Variants in TNFRSF10D observed in about 807,000 individuals in gnomAD.
TNFRSF10D encodes TNF receptor superfamily member 10d.
Under a neutral mutation model 42.1 loss-of-function variants are expected in TNFRSF10D, and 28 were observed. That is an observed-to-expected ratio of 0.66 (90% CI 0.49 to 0.91). The LOEUF is 0.91. Among genes scored for constraint, TNFRSF10D ranks in the 40% least tolerant of loss-of-function variants. TNFRSF10D has a pLI of 0.00. For synonymous variants in TNFRSF10D, 186 were observed against 189.4 expected (o/e 0.98, Z 0.15); for missense variants, 503 against 486.1 (o/e 1.03, Z -0.33).
intron 6 of TNFRSF10D, 136 bp from the exon 7 acceptor site, chr8:23,144,771 AC>A: frequency 8.9e-7 from 1 of 1,129,438 alleles, no homozygotes; most frequent in Middle Eastern, 2.6e-4. Context: ...CACATCCAGG[AC>A]CCCATGCTGA....
intron 2 of TNFRSF10D, among the ~76,000 whole-genome samples, chr8:23,152,790 G>T (rs1257861551): frequency 6.1e-3 from 923 of 152,228 alleles, no homozygotes; most frequent in African/African-American, 0.019. Context: ...TTGTTCATAT[G>T]ACCCAAAGTG....
intron 6 of TNFRSF10D, 63 bp downstream of exon 6, chr8:23,144,995 G>A (rs572199297): frequency 6.2e-7 from 1 of 1,608,122 alleles, no homozygotes; most frequent in African/African-American, 1.3e-5. Flanking sequence ...CCCAGGCTCG[G>A]CAGTGGATGG....
Position 23,163,921 on chromosome 8 carries a change from T to A in TNFRSF10D, c.15A>T (p.Gly5=). Residue 5 remains glycine, a synonymous_variant, in exon 1 of 9, where the codon GGA becomes GGT. Coordinates refer to ENST00000312584, the MANE Select transcript of TNFRSF10D (RefSeq NM_003840.5). The stretch of plus-strand genomic sequence containing the variant: ...CGCTCGAGGCGGTCGGGACGCTTTG[T>A]CCCCAAAGTCCCATGAGAAGGGAGG... MGLW[G]QSVPTASSAR... The A allele has an allele frequency of 6.3e-7, 1 of 1,576,030 alleles. No individual in the cohort carries two copies.
At chr8:23,145,380 T>C (rs7014588) in intron 5 of TNFRSF10D, among the ~76,000 whole-genome samples, 44,254 of 152,154 alleles carry the variant, frequency 0.29, 7,105 homozygotes, top group Middle Eastern at 0.38. Context: ...GTTGAGGAGC[T>C]GACTGCCCCC....
chr8:23,159,839 G>A (rs1800338723), intron 1 of TNFRSF10D, among the ~76,000 whole-genome samples: 2 of 151,636 alleles, frequency 1.3e-5, no homozygotes. Flanking sequence ...CTCCAGCCTG[G>A]GTGACAGAAC....
Position 23,137,599 on chromosome 8 carries a change from G to C in TNFRSF10D, c.*271C>G, listed in dbSNP as rs1036296090. On this transcript the variant is annotated 3_prime_UTR_variant, in exon 9 of 9. Transcript: ENST00000312584. ...GGATTACAGGCATGAGCCACCGCAT[G>C]TGGCCTAAAACGACCCTTAATACAC... 6 of 300,510 alleles carry C rather than the reference G, an allele frequency of 2.0e-5. No individual in the cohort carries two copies. Among genetic ancestry groups the C allele is most frequent in the African/African-American group, 1.3e-4 (6 of 46,296 alleles). 18.6% of individuals were successfully genotyped at this position (300,510 alleles called of 1,614,324 possible).
intron 1 of TNFRSF10D, among the ~76,000 whole-genome samples, chr8:23,157,060 C>A (rs566906301): frequency 3.9e-4 from 60 of 152,044 alleles, no homozygotes; most frequent in Middle Eastern, 3.4e-3. Context: ...TATGATTATT[C>A]ATATAATTCA....
rs1814360583 is a variant in TNFRSF10D at position 23,137,778 on chromosome 8, T to C, written c.*92A>G. 2.7e-6 allele frequency: 4 copies of C among 1,501,492 alleles called. No individual in the cohort carries two copies. Among genetic ancestry groups the C allele is most frequent in the Non-Finnish European group, 1.8e-6 (2 of 1,121,194 alleles). The allele number at this position is 1,501,492 out of a possible 1,614,324, so 93.0% of individuals were successfully genotyped here. A position where few individuals can be genotyped will look rare whatever the true frequency, so the allele number is the denominator to read the frequency against. On this transcript the variant is annotated 3_prime_UTR_variant, in exon 9 of 9. Transcript: ENST00000312584. ...TTGGATAGTAGAGTTTGTTGGGGCA[T>C]GGGTCAAGTACTGGACTGTTTCTTC...
intron 7 of TNFRSF10D, among the ~76,000 whole-genome samples, chr8:23,140,251 T>A (rs1358352525): frequency 6.6e-6 from 1 of 152,050 alleles, no homozygotes; most frequent in African/African-American, 2.4e-5. Flanking sequence ...ATCGCGCCAC[T>A]GCACTCCAGC....
In TNFRSF10D at chr8:23,136,308, G is replaced by A. The variant is rs1360484653; in HGVS notation, c.*1562C>T. The A allele has an allele frequency of 8.8e-6, 2 of 227,116 alleles. No homozygotes were observed. The highest frequency in any genetic ancestry group is 4.6e-5 in the African/African-American group (2 of 43,134). 14.1% of individuals were successfully genotyped at this position (227,116 alleles called of 1,614,324 possible). The stretch of plus-strand genomic sequence containing the variant: ...CCTGTTGTCACAGTGTTTAAGAATT[G>A]ATATCTCTGAGATGAGTCAGATGCT... On this transcript the variant is annotated 3_prime_UTR_variant, in exon 9 of 9. Transcript: ENST00000312584.
At chr8:23,163,086 T>C (rs1312528577) in intron 1 of TNFRSF10D, among the ~76,000 whole-genome samples, 1 of 121,250 alleles carries the variant, frequency 8.2e-6, no homozygotes, top group Non-Finnish European at 1.6e-5. Flanking sequence ...CACGCCTGGC[T>C]AACTTTTTTT....
chr8:23,154,079 G>A (rs1800242979), intron 2 of TNFRSF10D, among the ~76,000 whole-genome samples: 1 of 152,218 alleles, frequency 6.6e-6, no homozygotes, highest in Non-Finnish European at 1.5e-5. Context: ...CAGCATGGAT[G>A]AACCTGGAGA....
chr8:23,143,035 G>A (rs1800054471), intron 7 of TNFRSF10D, among the ~76,000 whole-genome samples: 1 of 150,364 alleles, frequency 6.7e-6, no homozygotes, highest in Non-Finnish European at 1.5e-5. Flanking sequence ...GGAGTGCAGT[G>A]GCGTGATCTC....
chr8:23,156,797 G>C (rs961999556), intron 1 of TNFRSF10D, among the ~76,000 whole-genome samples: 2 of 152,148 alleles, frequency 1.3e-5, no homozygotes, highest in Non-Finnish European at 2.9e-5. Flanking sequence ...TAACTCCTGA[G>C]CTCAAGCGTT....
At chr8:23,152,119 T>C (rs1468857657) in intron 2 of TNFRSF10D, among the ~76,000 whole-genome samples, 1 of 152,248 alleles carries the variant, frequency 6.6e-6, no homozygotes, top group Admixed American at 6.5e-5. Flanking sequence ...AGACAGCCAC[T>C]CTTTAAGAGA....
chr8:23,142,843 A>T (rs993546351), intron 7 of TNFRSF10D, among the ~76,000 whole-genome samples: 1 of 152,262 alleles, frequency 6.6e-6, no homozygotes, highest in African/African-American at 2.4e-5. Context: ...ATGAATATAC[A>T]TGGCATATGC....
At chr8:23,143,159 G>A (rs917480874) in intron 7 of TNFRSF10D, among the ~76,000 whole-genome samples, 21 of 152,246 alleles carry the variant, frequency 1.4e-4, no homozygotes, top group South Asian at 8.3e-4. Context: ...TGTATTTTTA[G>A]TAGAGGTGGG....
intron 7 of TNFRSF10D, among the ~76,000 whole-genome samples, chr8:23,138,549 A>G (rs939860048): frequency 2.0e-5 from 3 of 152,172 alleles, no homozygotes; most frequent in African/African-American, 7.2e-5. Context: ...CACACCCCAG[A>G]AAGTCCCCTT....
At position 23,145,539 on chromosome 8, in the gene TNFRSF10D, G is replaced by A. The variant is rs1232007055; in HGVS notation, c.736+129C>T. On this transcript the variant is annotated intron_variant, in intron 5 of 8. Transcript: ENST00000312584. ...GGACGTGGGGATGGGGCGATCACAA[G>A]AAGGAAGACCAAGCCAGGCTGGAGA... 9 of 1,412,220 alleles carry A rather than the reference G, an allele frequency of 6.4e-6. No homozygotes were observed. In the African/African-American group the frequency reaches 1.3e-4, roughly 20 times the overall value. The allele number at this position is 1,412,220 out of a possible 1,614,324, so 87.5% of individuals were successfully genotyped here.
Sources: gnomAD v4.1 joint callset for allele counts (sites outside exome capture counted in the v4.1 genomes callset) on GRCh38, gnomAD v4.1.1 for gene constraint, MANE v1.5 for transcripts, NCBI Gene and HGNC (gene_info 2026-07-23, HGNC 2026-07-21) for gene names.